Variants in EPC1 observed in about 807,000 individuals in gnomAD.
EPC1 encodes the protein enhancer of polycomb 1.
A neutral mutation model predicts 98.4 loss-of-function variants in EPC1; 12 were observed. The observed-to-expected ratio is 0.12, with a 90% CI of 0.08 to 0.20. The LOEUF (loss-of-function observed/expected upper bound fraction) is 0.20. Among genes scored for constraint, EPC1 ranks in the 10% least tolerant of loss-of-function variants. EPC1 has a pLI of 1.00. For synonymous variants in EPC1, 357 were observed against 363.9 expected, an observed-to-expected ratio of 0.98 and a Z score of 0.21; for missense variants, 729 against 990.5, an observed-to-expected ratio of 0.74 and a Z score of 3.54.
chr10:32,283,438 A>G (rs1185636302), intron 10 of EPC1: 2 of 152,108 alleles, frequency 1.3e-5, no homozygotes, highest in African/African-American at 4.8e-5. Context: ...TCTCCTGAGT[A>G]GCTGAGACTA....
chr10:32,305,646 T>C, intron 2 of EPC1, 126 bp downstream of exon 2: 1 of 606,096 alleles, frequency 1.6e-6, no homozygotes, highest in Admixed American at 4.1e-5. Flanking sequence ...TGGACTCTAC[T>C]AACTCTTAAG....
At chr10:32,368,748 G>A (rs951281864) in intron 1 of EPC1, among the ~76,000 whole-genome samples, 6 of 152,030 alleles carry the variant, frequency 3.9e-5, no homozygotes, top group Non-Finnish European at 7.4e-5. Flanking sequence ...TTAAATTCGC[G>A]TCGCACTGTG....
chr10:32,318,392 A>G (rs1836681608), intron 1 of EPC1, among the ~76,000 whole-genome samples: 1 of 152,200 alleles, frequency 6.6e-6, no homozygotes, highest in African/African-American at 2.4e-5. Context: ...AACACAAACT[A>G]AATCTGTCCC....
At chr10:32,360,126 T>C (rs1187794483) in intron 1 of EPC1, among the ~76,000 whole-genome samples, 1 of 152,276 alleles carries the variant, frequency 6.6e-6, no homozygotes, top group Non-Finnish European at 1.5e-5. Flanking sequence ...CATATGTTTG[T>C]ATCATTAGTA....
At chr10:32,365,012 T>A (rs574418453) in intron 1 of EPC1, among the ~76,000 whole-genome samples, 1 of 151,872 alleles carries the variant, frequency 6.6e-6, no homozygotes, top group South Asian at 2.1e-4. Flanking sequence ...AAAGATTGGA[T>A]ACCCCTGGTT....
intron 6 of EPC1, among the ~76,000 whole-genome samples, chr10:32,290,054 A>C (rs929957967): frequency 6.6e-6 from 1 of 152,082 alleles, no homozygotes; most frequent in South Asian, 2.1e-4. Flanking sequence ...ATTTCCTCTC[A>C]CAAATTTTAT....
chr10:32,338,705 G>A (rs1271268327), intron 1 of EPC1, among the ~76,000 whole-genome samples: 4 of 151,990 alleles, frequency 2.6e-5, no homozygotes, highest in Non-Finnish European at 2.9e-5. Context: ...CAAGTTTCAG[G>A]CCACATGTTT....
At position 32,271,773 on chromosome 10, in the gene EPC1, G is replaced by C; in HGVS notation, c.2150C>G (p.Thr717Ser). ...SSHSALSHQV[T>S]AANSATTQVL... ...CTGAGTTGTTGCAGAATTGGCAGCA[G>C]TTACTTGATGACTCAGTGCACTGTG... The change falls in exon 13 of 14, where the codon ACT becomes AGT. Residue 717 changes from threonine to serine, a missense_variant. This residue lies in a region of EPC1 where 156 missense variants were observed against 188.9 expected (regional missense o/e 0.83). Transcript: ENST00000319778. 1.2e-6 allele frequency: 2 copies of C among 1,614,188 alleles called. No homozygotes were observed. Among genetic ancestry groups the C allele is most frequent in the Non-Finnish European group, 8.5e-7 (1 of 1,180,020 alleles).
rs533290487 is a variant in EPC1 at position 32,316,019 on chromosome 10, C to T, written c.154-10088G>A. Among the ~76,000 whole-genome samples, 6 of 152,298 alleles carry T rather than the reference C, an allele frequency of 3.9e-5. No homozygotes were observed. In the East Asian group the frequency reaches 7.7e-4, roughly 20 times the overall value. On this transcript the variant is annotated intron_variant, in intron 1 of 13. Coordinates refer to ENST00000319778, the MANE Select transcript of EPC1 (RefSeq NM_001272004.3). ...TGGTACTGTTAACTATTCCCCTTTT[C>T]ACTCACTCTGCTATAGTCATACTGG...
chr10:32,349,747 A>ATACCC (rs1374218482), upstream of EPC1, among the ~76,000 whole-genome samples: 1 of 152,118 alleles, frequency 6.6e-6, no homozygotes, highest in African/African-American at 2.4e-5. Flanking sequence ...CTAAAGGTAC[A>ATACCC]TGCCACCATA....
In EPC1 at chr10:32,291,240, G is replaced by C; in HGVS notation, c.898C>G (p.Pro300Ala). Reference protein sequence around the residue: ...RQPMKPTYAIPIIPITNSSQF... With the variant: ...RQPMKPTYAIAIIPITNSSQF... ...CTGCTATTAGTAATAGGGATGATGG[G>C]GATGGCATAAGTAGGTTTCATTGGC... is the stretch of plus-strand genomic sequence containing the variant. The change falls in exon 6 of 14, where the codon CCC (proline) becomes GCC (alanine). Residue 300 changes from proline to alanine, a missense_variant. Physicochemically the swap from Pro to Ala is conservative, Grantham distance 27. Coordinates refer to ENST00000319778, the MANE Select transcript of EPC1 (RefSeq NM_001272004.3). 6.2e-7 allele frequency: 1 copy of C among 1,613,788 alleles called. No homozygotes were observed. Among genetic ancestry groups the C allele is most frequent in the East Asian group, 2.2e-5 (1 of 44,866 alleles).
At chr10:32,340,063 C>T (rs1451731732) in intron 1 of EPC1, among the ~76,000 whole-genome samples, 1 of 152,336 alleles carries the variant, frequency 6.6e-6, no homozygotes, top group South Asian at 2.1e-4. Context: ...TCTAAGGTCA[C>T]ATCCAATTTC....
rs540077978 is a variant in EPC1 at position 32,330,086 on chromosome 10, C to T, written c.153+16677G>A. ...ATTACATAAAGCCTAGTATATAATGCCACTTTGAAAACAATGGGAACTCTT... is the reference window on the plus strand; with the variant it reads ...ATTACATAAAGCCTAGTATATAATGTCACTTTGAAAACAATGGGAACTCTT... On this transcript the variant is annotated intron_variant, in intron 1 of 13. Coordinates refer to ENST00000319778, the MANE Select transcript of EPC1 (RefSeq NM_001272004.3). Among the ~76,000 whole-genome samples, 80 of 152,248 alleles carry T rather than the reference C, an allele frequency of 5.3e-4. 1 individual carries two copies. The highest frequency in any genetic ancestry group is 1.8e-3 in the African/African-American group (76 of 41,548).
intron 1 of EPC1, among the ~76,000 whole-genome samples, chr10:32,340,757 G>A (rs780979297): frequency 2.3e-4 from 35 of 152,256 alleles, no homozygotes; most frequent in South Asian, 1.9e-3. Flanking sequence ...TAGGGAGGTT[G>A]AGGCTGCAGC....
intron 1 of EPC1, among the ~76,000 whole-genome samples, chr10:32,327,925 A>G (rs1837403847): frequency 6.6e-6 from 1 of 152,248 alleles, no homozygotes; most frequent in Admixed American, 6.5e-5. Context: ...TGCCAATTTT[A>G]AAAACCCTAA....
Position 32,373,699 on chromosome 10 carries a change from G to T in EPC1, c.3+4792C>A, listed in dbSNP as rs1182889916. On this transcript the variant is annotated intron_variant, in intron 1 of 13. Coordinates refer to the EPC1 transcript ENST00000375110. ...CTCACTTTGGATATTTTAATATTAG[G>T]ATATGATGCCTGGGTCTGCAGCAGC... Among the ~76,000 whole-genome samples the T allele has an allele frequency of 2.0e-5, 3 of 152,252 alleles. No homozygotes were observed. The East Asian group carries it at 5.8e-4, about 29-fold the overall frequency.
At position 32,358,749 on chromosome 10, in the gene EPC1, A is replaced by T. The variant is rs372966893; in HGVS notation, c.3+19742T>A. Reference sequence around the variant, plus strand: ...AATAATGATAGTGCCAAGTCTACACAAATGAAGGTTAGCTGCTTCATCATC... The same window carrying T: ...AATAATGATAGTGCCAAGTCTACACTAATGAAGGTTAGCTGCTTCATCATC... On this transcript the variant is annotated intron_variant, in intron 1 of 13. Transcript: ENST00000375110. Among the ~76,000 whole-genome samples, 4 of 152,280 alleles carry T rather than the reference A, an allele frequency of 2.6e-5. No homozygotes were observed. In the East Asian group the frequency reaches 7.7e-4, roughly 29 times the overall value.
intron 1 of EPC1, chr10:32,345,576 T>C: frequency 1.0e-6 from 1 of 985,154 alleles, no homozygotes; most frequent in East Asian, 1.1e-4. Flanking sequence ...AAAACCAAGG[T>C]ATGCAATTCC....
intron 10 of EPC1, among the ~76,000 whole-genome samples, chr10:32,278,706 ATTATT>A (rs1232001279): frequency 6.6e-6 from 1 of 152,150 alleles, no homozygotes; most frequent in Non-Finnish European, 1.5e-5. Context: ...CAGGCCAAAC[ATTATT>A]TTAATATAAA....
Sources: gnomAD v4.1 joint callset for allele counts (sites outside exome capture counted in the v4.1 genomes callset) on GRCh38, gnomAD v4.1.1 for gene constraint, gnomAD v4.1.1 regional missense constraint, MANE v1.5 for transcripts, NCBI Gene and HGNC (gene_info 2026-07-23, HGNC 2026-07-21) for gene names.